PTPRD: variants seen among roughly 807,000 people sequenced by gnomAD.
The protein encoded by PTPRD is protein tyrosine phosphatase receptor type D.
Under a neutral mutation model 214.5 loss-of-function variants are expected in PTPRD, and 34 were observed. The ratio of observed to expected loss-of-function variants is 0.16; its 90% confidence interval spans 0.12 to 0.21. The LOEUF (loss-of-function observed/expected upper bound fraction) is 0.21. PTPRD is among the 10% of genes least tolerant of loss of function. The pLI is 1.00. For synonymous variants in PTPRD, 1,128 were observed against 845.7 expected (o/e 1.33, Z -5.79); for missense variants, 2,545 against 2,398.7 (o/e 1.06, Z -1.27).
At position 8,317,745 on chromosome 9, in the gene PTPRD, G is replaced by T; in HGVS notation, c.*129C>A. On this transcript the variant is annotated 3_prime_UTR_variant, in exon 46 of 46. Coordinates refer to ENST00000381196, the MANE Select transcript of PTPRD (RefSeq NM_002839.4). ...AATTTGTTTTTAATTTGTTTTGTGTGTAATAGTCCCACTAAGTAGTTGTTA... is the reference window on the plus strand; with the variant it reads ...AATTTGTTTTTAATTTGTTTTGTGTTTAATAGTCCCACTAAGTAGTTGTTA... The T allele has an allele frequency of 4.1e-6, 3 of 731,094 alleles. No homozygotes were observed. Among genetic ancestry groups the T allele is most frequent in the Non-Finnish European group, 7.1e-6 (3 of 420,434 alleles). The allele number at this position is 731,094 out of a possible 1,614,324, so 45.3% of individuals were successfully genotyped here. A position where few individuals can be genotyped will look rare whatever the true frequency, so the allele number is the denominator to read the frequency against.
chr9:10,608,373 C>T (rs185178461), intron 2 of PTPRD, among the ~76,000 whole-genome samples: 2 of 152,076 alleles, frequency 1.3e-5, no homozygotes, highest in East Asian at 3.9e-4. Flanking sequence ...CACCTCTTCC[C>T]TTCCATAATC....
intron 3 of PTPRD, among the ~76,000 whole-genome samples, chr9:10,225,428 A>G (rs79422743): frequency 0.016 from 2,500 of 152,130 alleles, 65 homozygotes; most frequent in African/African-American, 0.056. Flanking sequence ...ACTTTCAGAG[A>G]CATTAAACTA....
At chr9:9,293,661 T>A (rs1301809460) in intron 9 of PTPRD, among the ~76,000 whole-genome samples, 1 of 151,560 alleles carries the variant, frequency 6.6e-6, no homozygotes, top group Non-Finnish European at 1.5e-5. Flanking sequence ...TCTTCAGGGA[T>A]ATCTTCTAAG....
intron 3 of PTPRD, among the ~76,000 whole-genome samples, chr9:10,215,262 G>A (rs1349902158): frequency 1.3e-5 from 2 of 151,588 alleles, no homozygotes; most frequent in East Asian, 3.9e-4. Context: ...TCTAAGAATT[G>A]ACTGATGGAT....
intron 9 of PTPRD, among the ~76,000 whole-genome samples, chr9:9,189,517 T>A (rs1384009520): frequency 6.6e-6 from 1 of 152,100 alleles, no homozygotes; most frequent in Admixed American, 6.6e-5. Context: ...CAAAACGTCC[T>A]CTCTGATCCC....
At chr9:10,373,593 T>C (rs1481380561) in intron 2 of PTPRD, among the ~76,000 whole-genome samples, 6 of 152,080 alleles carry the variant, frequency 3.9e-5, no homozygotes, top group Non-Finnish European at 2.9e-5. Context: ...CAAAGGAAAA[T>C]AGAAAATTGT....
intron 8 of PTPRD, among the ~76,000 whole-genome samples, chr9:9,475,775 A>C (rs2094982416): frequency 6.6e-6 from 1 of 152,178 alleles, no homozygotes; most frequent in South Asian, 2.1e-4. Flanking sequence ...CAGAGATTTG[A>C]GGTCACTAAG....
In PTPRD at chr9:8,830,875, C is replaced by T. The variant is rs923779561; in HGVS notation, c.-103-96929G>A. On this transcript the variant is annotated intron_variant, in intron 11 of 45. Coordinates refer to ENST00000381196, the MANE Select transcript of PTPRD (RefSeq NM_002839.4). ...CTGTTGCCTCATTTTTCTAACAATTCTCTTCAATTGATTAATTATTAGTGA... is the reference window on the plus strand; with the variant it reads ...CTGTTGCCTCATTTTTCTAACAATTTTCTTCAATTGATTAATTATTAGTGA... 3.9e-5 allele frequency among the ~76,000 whole-genome samples: 6 copies of T among 152,078 alleles called. 1 individual carries two copies. Among genetic ancestry groups the T allele is most frequent in the African/African-American group, 7.2e-5 (3 of 41,424 alleles).
intron 5 of PTPRD, among the ~76,000 whole-genome samples, chr9:9,877,531 A>T (rs1209250270): frequency 1.3e-5 from 2 of 152,158 alleles, no homozygotes; most frequent in Admixed American, 6.5e-5. Flanking sequence ...GATCAAAGTG[A>T]GAGTGAATCT....
intron 10 of PTPRD, among the ~76,000 whole-genome samples, chr9:9,062,232 A>G (rs916211676): frequency 6.6e-6 from 1 of 152,212 alleles, no homozygotes; most frequent in Non-Finnish European, 1.5e-5. Context: ...TACATGTCAA[A>G]GCACAGTTTG....
intron 7 of PTPRD, among the ~76,000 whole-genome samples, chr9:9,702,790 C>T (rs189073822): frequency 6.6e-6 from 1 of 152,224 alleles, no homozygotes; most frequent in East Asian, 1.9e-4. Context: ...AATTAATACA[C>T]TTAATGGCTA....
At chr9:9,437,447 T>C (rs1588408217) in intron 8 of PTPRD, among the ~76,000 whole-genome samples, 1 of 3,750 alleles carries the variant, frequency 2.7e-4, no homozygotes, top group Non-Finnish European at 5.6e-4. Context: ...TGTATCAGGT[T>C]TTTTTATGCC....
intron 14 of PTPRD, among the ~76,000 whole-genome samples, chr9:8,596,118 C>G (rs867593757): frequency 2.0e-5 from 3 of 151,880 alleles, no homozygotes; most frequent in East Asian, 3.9e-4. Flanking sequence ...CTATAGAATT[C>G]ATAGTAATGC....
chr9:10,280,387 CACAT>C (rs1458430738), intron 3 of PTPRD, among the ~76,000 whole-genome samples: 261 of 150,426 alleles, frequency 1.7e-3, no homozygotes, highest in African/African-American at 6.0e-3. Context: ...CACACACACA[CACAT>C]GTGAGACATA....
rs537456983 is a variant in PTPRD at position 9,719,826 on chromosome 9, G to C, written c.-287+14707C>G. On this transcript the variant is annotated intron_variant, in intron 7 of 45. Coordinates refer to ENST00000381196, the MANE Select transcript of PTPRD (RefSeq NM_002839.4). ...ACTGCATTCCCCTCATCCGGACATT[G>C]GTCCTACAGTAGAAGCCTCTTGCAG... Among the ~76,000 whole-genome samples, 8 of 152,270 alleles carry C rather than the reference G, an allele frequency of 5.3e-5. No individual in the cohort carries two copies. The South Asian group carries it at 1.7e-3, about 32-fold the overall frequency.
At chr9:8,533,927 G>C (rs2076306400) in intron 14 of PTPRD, among the ~76,000 whole-genome samples, 1 of 151,922 alleles carries the variant, frequency 6.6e-6, no homozygotes, top group Non-Finnish European at 1.5e-5. Context: ...TTCTTCAACT[G>C]TTTGTGACTA....
chr9:10,360,994 C>G (rs1280541684), intron 2 of PTPRD, among the ~76,000 whole-genome samples: 1 of 151,918 alleles, frequency 6.6e-6, no homozygotes, highest in Non-Finnish European at 1.5e-5. Context: ...CCCAGCTACT[C>G]GGGAGGCTGA....
chr9:10,346,037 T>TTCTAAACTGCAAGTG (rs2097074322), intron 2 of PTPRD, among the ~76,000 whole-genome samples: 1 of 152,178 alleles, frequency 6.6e-6, no homozygotes, highest in African/African-American at 2.4e-5. Context: ...ACCTCTTTCA[T>TTCTAAACTGCAAGTG]ATATGACAAC....
chr9:9,371,198 C>G (rs2059395966), intron 9 of PTPRD, among the ~76,000 whole-genome samples: 1 of 152,096 alleles, frequency 6.6e-6, no homozygotes, highest in Non-Finnish European at 1.5e-5. Flanking sequence ...GTACCAGCTC[C>G]TCCTGTACCT....
Sources: allele counts gnomAD v4.1 joint callset (sites outside exome capture counted in the v4.1 genomes callset), GRCh38; gene constraint gnomAD v4.1.1; transcripts MANE v1.5; gene names NCBI Gene and HGNC (gene_info 2026-07-23, HGNC 2026-07-21).